Variants in RGS6 observed in about 807,000 individuals in gnomAD.
RGS6 encodes regulator of G-protein signaling 6.
A neutral mutation model predicts 78.5 loss-of-function variants in RGS6; 30 were observed. The observed-to-expected ratio is 0.38, with a 90% confidence interval of 0.29 to 0.52. The LOEUF (loss-of-function observed/expected upper bound fraction) is 0.52, where lower values mean the gene tolerates loss of function less well. Among genes scored for constraint, RGS6 ranks in the 20% least tolerant of loss-of-function variants. RGS6 has a pLI of 0.85. For missense variants in RGS6, 495 were observed against 609.7 expected, an observed-to-expected ratio of 0.81 and a Z score of 1.98; for synonymous variants, 206 against 206.0, an observed-to-expected ratio of 1.00 and a Z score of 0.00.
intron 2 of RGS6, among the ~76,000 whole-genome samples, chr14:72,005,761 TTAAA>T (rs1454545676): frequency 6.6e-6 from 1 of 152,198 alleles, no homozygotes; most frequent in Non-Finnish European, 1.5e-5. Flanking sequence ...GCTGTCCTAT[TTAAA>T]TAATCACAAT....
At chr14:72,419,830 G>A (rs1049213230) in intron 3 of RGS6, among the ~76,000 whole-genome samples, 10 of 152,198 alleles carry the variant, frequency 6.6e-5, no homozygotes, top group South Asian at 2.1e-4. Context: ...AGCGGGTGGC[G>A]TTTGCCCTGA....
chr14:72,348,994 G>A (rs1276421472), intron 2 of RGS6, among the ~76,000 whole-genome samples: 1 of 152,036 alleles, frequency 6.6e-6, no homozygotes, highest in Non-Finnish European at 1.5e-5. Flanking sequence ...GTGAAACCCT[G>A]TCTCTACTAA....
intron 3 of RGS6, among the ~76,000 whole-genome samples, chr14:72,353,960 G>A (rs1295905674): frequency 6.7e-6 from 1 of 149,680 alleles, no homozygotes; most frequent in East Asian, 1.9e-4. Flanking sequence ...CTCCAGCCTG[G>A]GTAACAGAGC....
chr14:72,607,802 C>G, the RGS6 span, among the ~76,000 whole-genome samples: 1 of 152,188 alleles, frequency 6.6e-6, no homozygotes, highest in Non-Finnish European at 1.5e-5. Flanking sequence ...TCCCTGAATG[C>G]GAACATCTCT....
intron 3 of RGS6, among the ~76,000 whole-genome samples, chr14:72,390,279 G>A (rs889845409): frequency 6.6e-6 from 1 of 152,028 alleles, no homozygotes; most frequent in Non-Finnish European, 1.5e-5. Context: ...TGTATTTTTA[G>A]TAGAGACGGG....
intron 2 of RGS6, among the ~76,000 whole-genome samples, chr14:72,196,420 G>C (rs566279750): frequency 6.6e-6 from 1 of 152,324 alleles, no homozygotes; most frequent in East Asian, 1.9e-4. Flanking sequence ...CCCCCATCGG[G>C]TGGGAGGAGC....
intron 3 of RGS6, among the ~76,000 whole-genome samples, chr14:72,377,634 C>T (rs1192272758): frequency 6.6e-6 from 1 of 152,132 alleles, no homozygotes; most frequent in Non-Finnish European, 1.5e-5. Context: ...ATTCTCCAGG[C>T]TTGACCGTAT....
In RGS6 at chr14:72,023,103, T is replaced by C. The variant is rs112513293; in HGVS notation, c.84+58228T>C. 6.3e-3 allele frequency among the ~76,000 whole-genome samples: 958 copies of C among 152,334 alleles called. 9 individuals are homozygous for C. Among genetic ancestry groups the C allele is most frequent in the African/African-American group, 0.022 (924 of 41,582 alleles). On this transcript the variant is annotated intron_variant, in intron 2 of 17. Coordinates refer to ENST00000553525, the MANE Select transcript of RGS6 (RefSeq NM_001204424.2). The stretch of plus-strand genomic sequence containing the variant: ...CAGAGGACATAGCTCTTAAAGATCT[T>C]ATTACCAACTTGCCATTTCCATGAA...
intron 2 of RGS6, among the ~76,000 whole-genome samples, chr14:72,120,889 C>G (rs1404130521): frequency 1.3e-5 from 2 of 152,112 alleles, no homozygotes; most frequent in Non-Finnish European, 2.9e-5. Flanking sequence ...TTTGTGTATT[C>G]CGTTGTCAAA....
chr14:72,503,382 T>G (rs573328514), intron 13 of RGS6, among the ~76,000 whole-genome samples: 13 of 152,332 alleles, frequency 8.5e-5, no homozygotes, highest in African/African-American at 3.1e-4. Flanking sequence ...AAGTCTTAAC[T>G]TGTCCTGGCA....
At chr14:72,110,369 C>T (rs183265854) in intron 2 of RGS6, among the ~76,000 whole-genome samples, 1 of 152,300 alleles carries the variant, frequency 6.6e-6, no homozygotes, top group African/African-American at 2.4e-5. Context: ...AAATAATACA[C>T]TCTCTTCTCA....
chr14:71,926,647 G>T, the RGS6 span, among the ~76,000 whole-genome samples: 2 of 151,420 alleles, frequency 1.3e-5, no homozygotes, highest in African/African-American at 4.9e-5. Context: ...TTGTAAGAGG[G>T]TTGACAATAC....
chr14:72,390,626 A>C (rs1409159155), intron 3 of RGS6, among the ~76,000 whole-genome samples: 1 of 152,234 alleles, frequency 6.6e-6, no homozygotes, highest in Non-Finnish European at 1.5e-5. Flanking sequence ...TAAAATATTT[A>C]TGTGGGAAAT....
chr14:72,437,289 C>A (rs569925941), intron 3 of RGS6, among the ~76,000 whole-genome samples: 1 of 144,510 alleles, frequency 6.9e-6, no homozygotes, highest in African/African-American at 2.6e-5. Context: ...TGCAGTGAGC[C>A]GAGATCATGC....
At chr14:72,131,409 A>T (rs148282764) in intron 2 of RGS6, among the ~76,000 whole-genome samples, 1 of 152,214 alleles carries the variant, frequency 6.6e-6, no homozygotes, top group African/African-American at 2.4e-5. Flanking sequence ...TAAAATTGCA[A>T]TGCTCCCTTA....
intron 2 of RGS6, among the ~76,000 whole-genome samples, chr14:72,176,877 CAGA>C: frequency 6.6e-6 from 1 of 152,310 alleles, no homozygotes; most frequent in Non-Finnish European, 1.5e-5. Context: ...CCCACCACCC[CAGA>C]AGGAGCTCTT....
At chr14:71,885,716 A>G in the RGS6 span, among the ~76,000 whole-genome samples, 2 of 152,230 alleles carry the variant, frequency 1.3e-5, no homozygotes, top group African/African-American at 4.8e-5. Flanking sequence ...TCTTTGGAAC[A>G]CAGGAAAGTT....
chr14:72,573,836 T>TAC, the RGS6 span, among the ~76,000 whole-genome samples: 1 of 152,128 alleles, frequency 6.6e-6, no homozygotes, highest in African/African-American at 2.4e-5. Context: ...AAGCTGCATA[T>TAC]ACACACACAT....
At chr14:72,138,449 G>GTTTTT (rs71448384) in intron 2 of RGS6, among the ~76,000 whole-genome samples, 6 of 86,636 alleles carry the variant, frequency 6.9e-5, no homozygotes, top group Non-Finnish European at 1.1e-4. Flanking sequence ...ACCTGTACCT[G>GTTTTT]TTTTTTTTTT....
Sources: gnomAD v4.1 joint callset for allele counts (sites outside exome capture counted in the v4.1 genomes callset) on GRCh38, gnomAD v4.1.1 for gene constraint, MANE v1.5 for transcripts, NCBI Gene and HGNC (gene_info 2026-07-23, HGNC 2026-07-21) for gene names.